Variants in ARHGEF28 observed in about 807,000 individuals in gnomAD.
ARHGEF28 encodes 190 kDa guanine nucleotide exchange factor.
A neutral mutation model predicts 206.6 loss-of-function variants in ARHGEF28; 152 were observed. That is an observed-to-expected ratio of 0.74 (90% CI 0.64 to 0.84). The LOEUF (loss-of-function observed/expected upper bound fraction) is 0.84, where lower values mean the gene tolerates loss of function less well. Among genes scored for constraint, ARHGEF28 ranks in the 40% least tolerant of loss-of-function variants. The pLI is 0.00. For synonymous variants in ARHGEF28, 763 were observed against 776.4 expected (o/e 0.98, Z 0.29); for missense variants, 2,028 against 2,073.2 (o/e 0.98, Z 0.42).
At chr5:73,642,968 G>A (rs998530465) in intron 1 of ARHGEF28, among the ~76,000 whole-genome samples, 5 of 152,020 alleles carry the variant, frequency 3.3e-5, no homozygotes, top group Non-Finnish European at 5.9e-5. Flanking sequence ...TGTTGTATTC[G>A]ACATGAAATT....
chr5:73,877,741 T>C (rs1278900091), intron 22 of ARHGEF28, among the ~76,000 whole-genome samples: 4 of 151,642 alleles, frequency 2.6e-5, no homozygotes, highest in African/African-American at 9.7e-5. Context: ...TTTGAGTGAG[T>C]TTCTTAATCC....
chr5:73,633,064 G>A (rs925879475), intron 1 of ARHGEF28, among the ~76,000 whole-genome samples: 20 of 151,926 alleles, frequency 1.3e-4, no homozygotes, highest in African/African-American at 4.4e-4. Flanking sequence ...CTCATAAGAA[G>A]TCCCCAACCT....
intron 2 of ARHGEF28, among the ~76,000 whole-genome samples, chr5:73,694,703 C>A (rs1232333560): frequency 6.6e-6 from 1 of 152,340 alleles, no homozygotes; most frequent in African/African-American, 2.4e-5. Context: ...AAATAAGTGT[C>A]TCTAGCTCTT....
chr5:73,925,058 A>C (rs1345004608), intron 35 of ARHGEF28, among the ~76,000 whole-genome samples: 1 of 152,202 alleles, frequency 6.6e-6, no homozygotes, highest in Non-Finnish European at 1.5e-5. Flanking sequence ...TAACACAACA[A>C]ATTTCAGATA....
intron 22 of ARHGEF28, among the ~76,000 whole-genome samples, chr5:73,879,413 C>T (rs1760758859): frequency 1.3e-5 from 2 of 152,190 alleles, no homozygotes; most frequent in Admixed American, 6.5e-5. Flanking sequence ...CTGGAGCCTT[C>T]TTCTCTCAAC....
intron 2 of ARHGEF28, among the ~76,000 whole-genome samples, chr5:73,712,983 T>G (rs1469345219): frequency 6.6e-6 from 1 of 152,242 alleles, no homozygotes; most frequent in Non-Finnish European, 1.5e-5. Context: ...TTATTCACCA[T>G]TTATTGTGGT....
chr5:73,640,418 A>G (rs1053345559), intron 1 of ARHGEF28, among the ~76,000 whole-genome samples: 8 of 152,250 alleles, frequency 5.3e-5, no homozygotes, highest in Non-Finnish European at 1.0e-4. Context: ...TGGCAGAGAT[A>G]TGATATTTAT....
At chr5:73,936,469 C>G (rs1764423630) in intron 35 of ARHGEF28, among the ~76,000 whole-genome samples, 1 of 152,128 alleles carries the variant, frequency 6.6e-6, no homozygotes, top group South Asian at 2.1e-4. Flanking sequence ...TTGTGTTTCT[C>G]AAGTATAAAG....
chr5:73,831,508 G>A (rs1757300292), intron 9 of ARHGEF28, among the ~76,000 whole-genome samples: 2 of 152,324 alleles, frequency 1.3e-5, no homozygotes, highest in South Asian at 4.1e-4. Flanking sequence ...GTGAGATTCT[G>A]CATGTTAGCA....
chr5:73,891,928 T>C, intron 26 of ARHGEF28, 124 bp from the exon 27 acceptor site: 1 of 859,560 alleles, frequency 1.2e-6, no homozygotes, highest in Middle Eastern at 3.7e-4. Flanking sequence ...TCTACAGCTC[T>C]TTTGAAAAGA....
chr5:73,813,554 A>G (rs763099469), intron 9 of ARHGEF28: 96 of 1,534,870 alleles, frequency 6.3e-5, no homozygotes, highest in Non-Finnish European at 8.0e-5. Context: ...CTGAGTCTCT[A>G]CTGTTTCATC....
At chr5:73,792,637 C>T (rs1448669098) in intron 7 of ARHGEF28, among the ~76,000 whole-genome samples, 2 of 140,958 alleles carry the variant, frequency 1.4e-5, no homozygotes, top group African/African-American at 2.6e-5. Flanking sequence ...GGTTATCCTT[C>T]CCTTCTTTTT....
intron 2 of ARHGEF28, among the ~76,000 whole-genome samples, chr5:73,694,226 G>C (rs1202306086): frequency 6.6e-6 from 1 of 152,132 alleles, no homozygotes; most frequent in Non-Finnish European, 1.5e-5. Flanking sequence ...AAGCTTCTGG[G>C]GAAAGGCCCA....
At chr5:73,878,564 G>A (rs1291151152) in intron 22 of ARHGEF28, among the ~76,000 whole-genome samples, 19 of 151,004 alleles carry the variant, frequency 1.3e-4, no homozygotes, top group South Asian at 1.1e-3. Context: ...GGCTGGTACC[G>A]GTTGTTCCTT....
At chr5:73,669,433 C>T (rs1746168512) in intron 1 of ARHGEF28, among the ~76,000 whole-genome samples, 1 of 152,138 alleles carries the variant, frequency 6.6e-6, no homozygotes, top group Admixed American at 6.5e-5. Context: ...GTATACTCTG[C>T]CCAATTCCCC....
At chr5:73,676,064 C>G (rs1042014560) in intron 1 of ARHGEF28, among the ~76,000 whole-genome samples, 1 of 114,072 alleles carries the variant, frequency 8.8e-6, no homozygotes, top group South Asian at 3.1e-4. Context: ...ATTTGATTTT[C>G]TTTTCTTTTT....
intron 6 of ARHGEF28, among the ~76,000 whole-genome samples, chr5:73,777,876 C>G (rs186054099): frequency 4.6e-5 from 7 of 152,114 alleles, no homozygotes; most frequent in Middle Eastern, 3.4e-3. Context: ...GTCAGGAGAT[C>G]GAGACCATCC....
At position 73,840,592 on chromosome 5, in the gene ARHGEF28, CAGA is replaced by C; in HGVS notation, c.1261_1263del (p.Glu421del). On this transcript the variant is annotated inframe_deletion, in exon 11 of 36. Transcript: ENST00000513042. Reference sequence around the variant, plus strand: ...CAGAGCAGCAAACACACCCTTCCTACAGAAACCAGTCCCAGTGTGTACCCACTT... The same window carrying C: ...CAGAGCAGCAAACACACCCTTCCTACAACCAGTCCCAGTGTGTACCCACTT... 4 of 1,613,980 alleles carry C rather than the reference CAGA, an allele frequency of 2.5e-6. No individual in the cohort carries two copies. The highest frequency in any genetic ancestry group is 3.4e-6 in the Non-Finnish European group (4 of 1,179,874).
chr5:73,898,984 A>C (rs77978707), intron 30 of ARHGEF28: 1 of 152,298 alleles, frequency 6.6e-6, no homozygotes, highest in African/African-American at 2.4e-5. Context: ...TGAACTCAGA[A>C]CTTCTTTAAC....
Sources: gnomAD v4.1 joint callset for allele counts (sites outside exome capture counted in the v4.1 genomes callset) on GRCh38, gnomAD v4.1.1 for gene constraint, MANE v1.5 for transcripts, NCBI Gene and HGNC (gene_info 2026-07-23, HGNC 2026-07-21) for gene names.